DCC: variants seen among roughly 807,000 people sequenced by gnomAD.
The protein encoded by DCC is netrin receptor DCC.
Under a neutral mutation model 172.5 loss-of-function variants are expected in DCC, and 58 were observed. That is an observed-to-expected ratio of 0.34 (90% confidence interval 0.27 to 0.42). DCC has a LOEUF of 0.42. Among genes scored for constraint, DCC ranks in the 10% least tolerant of loss-of-function variants. The pLI is 1.00. For synonymous variants in DCC, 709 were observed against 644.5 expected, an observed-to-expected ratio of 1.10 and a Z score of -1.52; for missense variants, 1,740 against 1,791.0, an observed-to-expected ratio of 0.97 and a Z score of 0.51.
intron 21 of DCC, among the ~76,000 whole-genome samples, chr18:53,431,610 G>A (rs985591700): frequency 9.2e-5 from 14 of 152,006 alleles, no homozygotes; most frequent in African/African-American, 2.9e-4. Flanking sequence ...TCCACCTCCA[G>A]AGTAGCTGGG....
chr18:53,155,567 C>T (rs183732477), intron 7 of DCC, among the ~76,000 whole-genome samples: 1 of 152,274 alleles, frequency 6.6e-6, no homozygotes, highest in East Asian at 1.9e-4. Context: ...TTATTAATTC[C>T]CCCAATTTGT....
intron 9 of DCC, among the ~76,000 whole-genome samples, chr18:53,202,333 A>G (rs1198855223): frequency 1.3e-5 from 2 of 152,206 alleles, no homozygotes; most frequent in African/African-American, 4.8e-5. Flanking sequence ...GAATCTGGGT[A>G]AATTTGAACA....
intron 7 of DCC, among the ~76,000 whole-genome samples, chr18:53,100,670 GGAGA>G (rs2043159674): frequency 6.6e-6 from 1 of 151,862 alleles, no homozygotes; most frequent in African/African-American, 2.4e-5. Context: ...CCGGAGGGAG[GGAGA>G]GAAAGAAACA....
chr18:53,302,213 A>G (rs1165846229), intron 12 of DCC, among the ~76,000 whole-genome samples: 4 of 152,066 alleles, frequency 2.6e-5, no homozygotes, highest in Admixed American at 2.0e-4. Flanking sequence ...TCTAAGATAC[A>G]GGAGTAATAA....
At chr18:53,237,169 G>A (rs193204575) in intron 12 of DCC, 7 of 153,804 alleles carry the variant, frequency 4.6e-5, no homozygotes, top group Admixed American at 1.3e-4. Context: ...TTATATGTAT[G>A]ATCTGGACAC....
intron 5 of DCC, among the ~76,000 whole-genome samples, chr18:52,988,602 AT>A (rs2041332737): frequency 6.6e-6 from 1 of 152,156 alleles, no homozygotes; most frequent in African/African-American, 2.4e-5. Context: ...AAACATGGTA[AT>A]ATAAGCATTG....
intron 21 of DCC, among the ~76,000 whole-genome samples, chr18:53,420,949 C>T (rs1329933685): frequency 6.6e-6 from 1 of 152,116 alleles, no homozygotes; most frequent in Non-Finnish European, 1.5e-5. Context: ...CTTTCTGGTT[C>T]CTAGAGTGTG....
intron 21 of DCC, among the ~76,000 whole-genome samples, chr18:53,427,581 G>C (rs1911058172): frequency 6.6e-6 from 1 of 151,404 alleles, no homozygotes; most frequent in Admixed American, 6.6e-5. Flanking sequence ...GTCAAGTGTA[G>C]TTATTGTCAC....
At chr18:52,828,759 G>A (rs2038559368) in intron 2 of DCC, among the ~76,000 whole-genome samples, 1 of 152,118 alleles carries the variant, frequency 6.6e-6, no homozygotes, top group South Asian at 2.1e-4. Context: ...ACATCTTTTG[G>A]TTTGGATGCT....
At chr18:52,656,185 A>T (rs1214256643) in intron 1 of DCC, among the ~76,000 whole-genome samples, 1 of 151,382 alleles carries the variant, frequency 6.6e-6, no homozygotes. Flanking sequence ...CAAAATTCAT[A>T]TGTCGAAATC....
At chr18:53,496,225 C>A (rs1474548191) in intron 26 of DCC, among the ~76,000 whole-genome samples, 4 of 152,104 alleles carry the variant, frequency 2.6e-5, no homozygotes, top group African/African-American at 9.7e-5. Context: ...CTGGCGGGTG[C>A]CTCTCTGGGA....
intron 5 of DCC, among the ~76,000 whole-genome samples, chr18:52,997,697 A>T (rs1029304488): frequency 1.3e-4 from 20 of 152,118 alleles, no homozygotes; most frequent in African/African-American, 4.8e-4. Flanking sequence ...TGAACATAGA[A>T]GTGCCTTGAA....
At chr18:53,347,576 A>G (rs1339629517) in intron 15 of DCC, among the ~76,000 whole-genome samples, 1 of 152,224 alleles carries the variant, frequency 6.6e-6, no homozygotes, top group Non-Finnish European at 1.5e-5. Context: ...CTTATTTACT[A>G]ACAACATGTG....
At chr18:52,642,034 ATATATATATATACT>A in intron 1 of DCC, among the ~76,000 whole-genome samples, 1 of 32,092 alleles carries the variant, frequency 3.1e-5, no homozygotes, top group Admixed American at 2.3e-4. Context: ...ATATATATAT[ATATATATATATACT>A]GTGGTGTGTG....
intron 1 of DCC, among the ~76,000 whole-genome samples, chr18:52,443,149 A>G (rs1252890935): frequency 1.3e-5 from 2 of 152,224 alleles, no homozygotes; most frequent in Non-Finnish European, 2.9e-5. Flanking sequence ...ACCACTGGTC[A>G]CTATAAATAC....
chr18:53,383,157 T>G (rs1907896112), intron 15 of DCC, among the ~76,000 whole-genome samples: 2 of 152,236 alleles, frequency 1.3e-5, no homozygotes, highest in Middle Eastern at 3.4e-3. Flanking sequence ...GAGAGTAGTC[T>G]GTTCTTTCAT....
chr18:53,509,710 T>TTTA (rs1568177273), intron 27 of DCC, among the ~76,000 whole-genome samples: 1 of 152,192 alleles, frequency 6.6e-6, no homozygotes, highest in African/African-American at 2.4e-5. Flanking sequence ...TCTCAGATGA[T>TTTA]TTATTATCTA....
At chr18:52,824,377 G>GA (rs1197250950) in intron 2 of DCC, among the ~76,000 whole-genome samples, 1 of 152,156 alleles carries the variant, frequency 6.6e-6, no homozygotes, top group Admixed American at 6.5e-5. Context: ...CCATTGGTGA[G>GA]AAATGTTCTG....
At chr18:52,976,062 T>G (rs908142884) in intron 5 of DCC, among the ~76,000 whole-genome samples, 2 of 152,322 alleles carry the variant, frequency 1.3e-5, no homozygotes, top group African/African-American at 4.8e-5. Context: ...TGATTGTTAT[T>G]GAATGGTATA....
Sources: allele counts gnomAD v4.1 joint callset (sites outside exome capture counted in the v4.1 genomes callset), GRCh38; gene constraint gnomAD v4.1.1; transcripts MANE v1.5; gene names NCBI Gene and HGNC (gene_info 2026-07-23, HGNC 2026-07-21).